Variants in SMIM14 observed in about 807,000 individuals in gnomAD.
SMIM14 encodes the protein small integral membrane protein 14.
SMIM14 carries 5 observed loss-of-function variants against 12.6 expected under a neutral mutation model. That is an observed-to-expected ratio of 0.40 (90% confidence interval 0.21 to 0.83). The LOEUF (loss-of-function observed/expected upper bound fraction) is 0.83. Among genes scored for constraint, SMIM14 ranks in the 40% least tolerant of loss-of-function variants. The probability of loss-of-function intolerance (pLI) is 0.37; values close to 1 mark genes in which losing one functional copy is unlikely to be tolerated. For synonymous variants in SMIM14, 30 were observed against 40.1 expected, an observed-to-expected ratio of 0.75 and a Z score of 0.95; for missense variants, 86 against 119.1, an observed-to-expected ratio of 0.72 and a Z score of 1.29.
intron 1 of SMIM14, among the ~76,000 whole-genome samples, chr4:39,618,538 C>A (rs887049129): frequency 1.3e-5 from 2 of 150,906 alleles, no homozygotes; most frequent in Non-Finnish European, 2.9e-5. Flanking sequence ...GTAATCCCAG[C>A]TACTCAGGAG....
chr4:39,599,117 A>C (rs1341213594), intron 2 of SMIM14, among the ~76,000 whole-genome samples: 2 of 152,196 alleles, frequency 1.3e-5, no homozygotes, highest in East Asian at 3.8e-4. Flanking sequence ...TGGACTGGTA[A>C]TGACTTCCCT....
At chr4:39,637,493 G>A (rs914274843) in intron 1 of SMIM14, among the ~76,000 whole-genome samples, 1 of 150,956 alleles carries the variant, frequency 6.6e-6, no homozygotes, top group Non-Finnish European at 1.5e-5. Context: ...GTTTGATAAG[G>A]AGCAATTAAC....
intron 1 of SMIM14, among the ~76,000 whole-genome samples, chr4:39,624,917 G>A (rs1578368019): frequency 6.6e-6 from 1 of 151,334 alleles, no homozygotes; most frequent in East Asian, 1.9e-4. Context: ...AGAAAAGGAT[G>A]CAGACTTGGC....
intron 1 of SMIM14, among the ~76,000 whole-genome samples, chr4:39,610,278 C>T (rs754737664): frequency 1.3e-5 from 2 of 152,058 alleles, no homozygotes; most frequent in African/African-American, 2.4e-5. Context: ...TGAGCCACCG[C>T]GCCTGGTCCA....
intron 2 of SMIM14, among the ~76,000 whole-genome samples, chr4:39,598,748 T>A (rs930358217): frequency 1.3e-5 from 2 of 152,168 alleles, no homozygotes; most frequent in Non-Finnish European, 2.9e-5. Flanking sequence ...TCAAAACTTG[T>A]TTACAGTTCC....
chr4:39,561,282 A>T (rs1284958909), intron 3 of SMIM14, among the ~76,000 whole-genome samples: 1 of 152,184 alleles, frequency 6.6e-6, no homozygotes, highest in Non-Finnish European at 1.5e-5. Context: ...AGGGATATTC[A>T]ACCTATACTA....
At chr4:39,603,308 C>T (rs969547011) in intron 2 of SMIM14, among the ~76,000 whole-genome samples, 1 of 152,148 alleles carries the variant, frequency 6.6e-6, no homozygotes, top group Non-Finnish European at 1.5e-5. Context: ...CCTGTAATCC[C>T]AGCACTTTGG....
chr4:39,589,104 TCAGA>T (rs978351875), intron 2 of SMIM14, among the ~76,000 whole-genome samples: 6 of 152,196 alleles, frequency 3.9e-5, no homozygotes, highest in Non-Finnish European at 7.3e-5. Context: ...TATTTTTTCT[TCAGA>T]CAGAGTCTCG....
chr4:39,632,775 T>TCACACA (rs369057968), intron 1 of SMIM14, among the ~76,000 whole-genome samples: 210 of 115,096 alleles, frequency 1.8e-3, no homozygotes, highest in Admixed American at 5.4e-3. Context: ...GAGACTCCCG[T>TCACACA]CACACACACA....
chr4:39,553,972 T>G (rs914091851), intron 4 of SMIM14, among the ~76,000 whole-genome samples: 1 of 152,208 alleles, frequency 6.6e-6, no homozygotes, highest in Non-Finnish European at 1.5e-5. Context: ...TTTTTCTTTC[T>G]ATGCTACATA....
intron 1 of SMIM14, among the ~76,000 whole-genome samples, chr4:39,632,231 C>CT (rs1352841595): frequency 1.3e-5 from 2 of 152,184 alleles, no homozygotes. Context: ...TGACTCATGC[C>CT]TGTAATCCCA....
chr4:39,552,063 T>G lies in SMIM14; in HGVS notation c.*63A>C. The G allele has an allele frequency of 1.5e-6, 2 of 1,363,510 alleles. No individual in the cohort carries two copies. The highest frequency in any genetic ancestry group is 2.0e-6 in the Non-Finnish European group (2 of 981,962). The allele number at this position is 1,363,510 out of a possible 1,614,324, so 84.5% of individuals were successfully genotyped here. ...AGTTCTAATGGGGTTAAGAGTACTC[T>G]GGTCATCTTCGTTCGTTTGGTCGTG... On this transcript the variant is annotated 3_prime_UTR_variant, in exon 5 of 5. Coordinates refer to ENST00000295958, the MANE Select transcript of SMIM14 (RefSeq NM_174921.3).
At chr4:39,562,655 A>AT (rs1560283996) in intron 3 of SMIM14, among the ~76,000 whole-genome samples, 1 of 151,680 alleles carries the variant, frequency 6.6e-6, no homozygotes, top group Non-Finnish European at 1.5e-5. Flanking sequence ...TGCCCAATTA[A>AT]TTTTTTTATA....
intron 1 of SMIM14, among the ~76,000 whole-genome samples, chr4:39,610,511 A>G (rs1482470653): frequency 6.6e-6 from 1 of 151,932 alleles, no homozygotes; most frequent in Non-Finnish European, 1.5e-5. Flanking sequence ...GCAATATAGC[A>G]AGACCCCATC....
intron 2 of SMIM14, among the ~76,000 whole-genome samples, chr4:39,574,379 TA>T (rs1281750911): frequency 6.6e-6 from 1 of 151,548 alleles, no homozygotes; most frequent in East Asian, 2.0e-4. Context: ...TCAGCCTCCC[TA>T]CAGGTGCATG....
At chr4:39,575,714 G>A (rs1415089246) in intron 2 of SMIM14, among the ~76,000 whole-genome samples, 2 of 149,582 alleles carry the variant, frequency 1.3e-5, no homozygotes, top group African/African-American at 4.9e-5. Context: ...CCTCCTGAGT[G>A]GCTGGACTAC....
At chr4:39,567,287 GA>G (rs1473437713) in intron 3 of SMIM14, among the ~76,000 whole-genome samples, 4 of 151,792 alleles carry the variant, frequency 2.6e-5, no homozygotes, top group African/African-American at 9.7e-5. Flanking sequence ...GGAAGAAGCA[GA>G]AGGCTAAGAA....
At position 39,556,431 on chromosome 4, in the gene SMIM14, A is replaced by G. The variant is rs370080364; in HGVS notation, c.264T>C (p.His88=). The G allele has an allele frequency of 4.3e-6, 7 of 1,610,786 alleles. No homozygotes were observed. The African/African-American group carries it at 9.4e-5, about 22-fold the overall frequency. ...ATTTAAAATCTGCAACACTTACATT[A>G]TGAGGACTGGTTGGCTTTCCAGGTA... ...SSLPGKPTSP[H]NGQDPPAPPV... is the part of the protein sequence containing the mutation. Residue 88 remains histidine, a synonymous_variant, in exon 4 of 5, where the codon CAT becomes CAC. Transcript: ENST00000295958.
In SMIM14 at chr4:39,550,140, C is replaced by G. The variant is rs980477689; in HGVS notation, c.*1986G>C. 6.6e-6 allele frequency: 1 copy of G among 151,994 alleles called. No individual in the cohort carries two copies. Among genetic ancestry groups the G allele is most frequent in the South Asian group, 2.1e-4 (1 of 4,822 alleles). The allele number at this position is 151,994 out of a possible 1,614,324, so 9.4% of individuals were successfully genotyped here. The stretch of plus-strand genomic sequence containing the variant: ...TTATTCAATTCATACAAGTAATTTA[C>G]CAGATCTAAACAGTGAATAGACTGA... On this transcript the variant is annotated 3_prime_UTR_variant, in exon 5 of 5. Transcript: ENST00000295958.
Sources: allele counts gnomAD v4.1 joint callset (sites outside exome capture counted in the v4.1 genomes callset), GRCh38; gene constraint gnomAD v4.1.1; transcripts MANE v1.5; gene names NCBI Gene and HGNC (gene_info 2026-07-23, HGNC 2026-07-21).